ABCA13: variants seen among roughly 807,000 people sequenced by gnomAD.
ABCA13 encodes ATP binding cassette subfamily A member 13.
A neutral mutation model predicts 478.7 loss-of-function variants in ABCA13; 476 were observed. The observed-to-expected ratio is 0.99, with a 90% confidence interval of 0.92 to 1.07. The LOEUF is 1.07. Ranked by LOEUF, ABCA13 falls within the 50% of genes least tolerant of loss-of-function variation. The probability of loss-of-function intolerance (pLI) is 0.00; values close to 1 mark genes in which losing one functional copy is unlikely to be tolerated. For synonymous variants in ABCA13, 2,252 were observed against 2,158.9 expected (o/e 1.04, Z -1.20); for missense variants, 6,060 against 5,910.6 (o/e 1.03, Z -0.83).
chr7:48,234,206 T>G, intron 8 of ABCA13, 55 bp downstream of exon 8: 1 of 1,612,224 alleles, frequency 6.2e-7, no homozygotes, highest in Non-Finnish European at 8.5e-7. Flanking sequence ...AGACTGGATC[T>G]AGAGCATGCT....
At position 48,335,422 on chromosome 7, in the gene ABCA13, G is replaced by C; in HGVS notation, c.10000G>C (p.Ala3334Pro). The change falls in exon 28 of 62, where the codon GCT (alanine) becomes CCT (proline). Residue 3334 changes from alanine (A) to proline (P), a missense_variant and splice_region_variant. By Grantham distance (27) the Ala-to-Pro change is conservative. Transcript: ENST00000435803. Reference protein sequence around the residue: ...TPEINKVIQKANYTFYIVDKL... With the variant: ...TPEINKVIQKPNYTFYIVDKL... Reference sequence around the variant, plus strand: ...TATCCAAATATGCTTCATTTTGCAGGCTAATTACACCTTTTATATTGTGGA... The same window carrying C: ...TATCCAAATATGCTTCATTTTGCAGCCTAATTACACCTTTTATATTGTGGA... 2 of 1,592,402 alleles carry C rather than the reference G, an allele frequency of 1.3e-6. No individual in the cohort carries two copies. Among genetic ancestry groups the C allele is most frequent in the Non-Finnish European group, 1.7e-6 (2 of 1,165,488 alleles).
intron 59 of ABCA13, among the ~76,000 whole-genome samples, chr7:48,617,464 G>A (rs948540832): frequency 9.2e-5 from 14 of 152,148 alleles, no homozygotes; most frequent in Admixed American, 2.0e-4. Flanking sequence ...GGATTTCCCC[G>A]TGGAGAGGCA....
chr7:48,431,351 C>CAAT (rs1822124755), intron 42 of ABCA13, among the ~76,000 whole-genome samples: 1 of 145,986 alleles, frequency 6.8e-6, no homozygotes, highest in Admixed American at 6.7e-5. Context: ...CAAACAACAA[C>CAAT]AACAACAACA....
intron 58 of ABCA13, among the ~76,000 whole-genome samples, chr7:48,602,368 A>T (rs551355259): frequency 5.3e-5 from 8 of 152,284 alleles, no homozygotes; most frequent in Admixed American, 6.5e-5. Context: ...TCTTACATTT[A>T]AGTCTTTAAT....
intron 16 of ABCA13, 91 bp downstream of exon 16, chr7:48,269,185 T>C (rs568670018): frequency 1.5e-6 from 1 of 685,582 alleles, no homozygotes; most frequent in Non-Finnish European, 2.5e-6. Context: ...CTCTTTAAAA[T>C]TTATGAGCCT....
chr7:48,542,860 C>T (rs1426828867), intron 55 of ABCA13, among the ~76,000 whole-genome samples: 1 of 151,572 alleles, frequency 6.6e-6, no homozygotes, highest in African/African-American at 2.4e-5. Flanking sequence ...TGGGTCTAAT[C>T]GTGACATTTT....
intron 24 of ABCA13, among the ~76,000 whole-genome samples, chr7:48,312,339 A>G (rs4917051): frequency 0.087 from 13,220 of 152,188 alleles, 716 homozygotes; most frequent in East Asian, 0.17. Flanking sequence ...CATCCAACAA[A>G]TATTTATTGA....
chr7:48,478,202 TATG>T (rs927250033), intron 45 of ABCA13, among the ~76,000 whole-genome samples: 14 of 148,228 alleles, frequency 9.4e-5, no homozygotes, highest in African/African-American at 2.7e-4. Context: ...CATAAAATGA[TATG>T]ATATATATAC....
At chr7:48,382,034 G>T (rs1404832223) in intron 35 of ABCA13, among the ~76,000 whole-genome samples, 1 of 152,202 alleles carries the variant, frequency 6.6e-6, no homozygotes, top group Non-Finnish European at 1.5e-5. Context: ...TTATGGCTGA[G>T]ATGGTTTAAT....
rs575474247 is a variant in ABCA13, at chr7:48,552,649, G to A, written c.14354+24304G>A. Among the ~76,000 whole-genome samples the A allele has an allele frequency of 6.6e-4, 99 of 150,202 alleles. 1 individual carries two copies. The highest frequency in any genetic ancestry group is 1.3e-3 in the Non-Finnish European group (86 of 67,426). ...ACAAATTATAATTGTATATATTTAC[G>A]GGGTACAAAGTAATGTTATGATTTA... On this transcript the variant is annotated intron_variant, in intron 55 of 61. Transcript: ENST00000435803.
intron 27 of ABCA13, among the ~76,000 whole-genome samples, chr7:48,334,578 A>ACCCG (rs1677945084): frequency 1.3e-5 from 2 of 152,062 alleles, no homozygotes; most frequent in African/African-American, 4.8e-5. Flanking sequence ...CTCATGAGCC[A>ACCCG]CCCGCCTTGG....
intron 26 of ABCA13, among the ~76,000 whole-genome samples, chr7:48,315,483 CT>C (rs774939239): frequency 2.4e-3 from 342 of 143,382 alleles, no homozygotes; most frequent in African/African-American, 3.2e-3. Context: ...TAGTCATATT[CT>C]TTTTTTTTTT....
chr7:48,301,287 G>C lies in ABCA13; in HGVS notation c.9321+2800G>C, dbSNP rs539062021. Among the ~76,000 whole-genome samples, 39 of 152,170 alleles carry C rather than the reference G, an allele frequency of 2.6e-4. 1 individual carries two copies. The highest frequency in any genetic ancestry group is 8.7e-4 in the African/African-American group (36 of 41,524). ...AGAAATGATTGAGTTTGGTGAATCTGGTCAAATTTCCTTATCTCACTTGGG... is the reference window on the plus strand; with the variant it reads ...AGAAATGATTGAGTTTGGTGAATCTCGTCAAATTTCCTTATCTCACTTGGG... On this transcript the variant is annotated intron_variant, in intron 23 of 61. Coordinates refer to ENST00000435803, the MANE Select transcript of ABCA13 (RefSeq NM_152701.5).
intron 58 of ABCA13, among the ~76,000 whole-genome samples, chr7:48,610,155 G>T (rs956513843): frequency 1.3e-5 from 2 of 152,082 alleles, no homozygotes; most frequent in African/African-American, 4.8e-5. Flanking sequence ...AAACAAATTA[G>T]TTACTTCCAA....
At chr7:48,431,169 A>T (rs1302975925) in intron 42 of ABCA13, among the ~76,000 whole-genome samples, 1 of 151,772 alleles carries the variant, frequency 6.6e-6, no homozygotes, top group African/African-American at 2.4e-5. Context: ...GTCCCATTTC[A>T]TTTTATTGTA....
chr7:48,502,970 G>A (rs1313570143), intron 48 of ABCA13, among the ~76,000 whole-genome samples: 1 of 151,942 alleles, frequency 6.6e-6, no homozygotes, highest in Non-Finnish European at 1.5e-5. Context: ...TCCTTTTTTT[G>A]TGAGGATAAC....
intron 15 of ABCA13, among the ~76,000 whole-genome samples, chr7:48,263,602 C>T (rs1251384356): frequency 2.0e-5 from 3 of 151,814 alleles, no homozygotes; most frequent in Non-Finnish European, 4.4e-5. Flanking sequence ...AGCACAGTAT[C>T]GTAGGCACAT....
Position 48,483,115 on chromosome 7 carries a change from A to G in ABCA13, c.13134A>G (p.Glu4378=). 3.1e-6 allele frequency: 5 copies of G among 1,613,356 alleles called. No individual in the cohort carries two copies. Among genetic ancestry groups the G allele is most frequent in the Non-Finnish European group, 4.2e-6 (5 of 1,179,676 alleles). ...CTTTTGGATTAAAAATCCCCAGTGA[A>G]GCTGGAGGTGCAAATGGAAACATAT... ...GWSFGLKIPS[E]AGGANGNISK... The change falls in exon 47 of 62, where the codon GAA becomes GAG. Residue 4378 remains glutamate (E), a synonymous_variant. Transcript: ENST00000435803.
intron 59 of ABCA13, among the ~76,000 whole-genome samples, chr7:48,642,184 A>G (rs1045218392): frequency 3.3e-5 from 5 of 152,160 alleles, no homozygotes; most frequent in African/African-American, 9.7e-5. Flanking sequence ...AGGACAGAAA[A>G]ACAGAACACC....
Sources: gnomAD v4.1 joint callset for allele counts (sites outside exome capture counted in the v4.1 genomes callset) on GRCh38, gnomAD v4.1.1 for gene constraint, MANE v1.5 for transcripts, NCBI Gene and HGNC (gene_info 2026-07-23, HGNC 2026-07-21) for gene names.